Variants in GMDS observed in about 807,000 individuals in gnomAD.
GMDS encodes GDP-mannose 4,6-dehydratase.
In GMDS, 20 loss-of-function variants were observed where a neutral mutation model predicts 49.9. The observed-to-expected ratio is 0.40, with a 90% confidence interval of 0.28 to 0.58. GMDS has a LOEUF of 0.58. Ranked by LOEUF, GMDS falls within the 20% of genes least tolerant of loss-of-function variation. The probability of loss-of-function intolerance (pLI) is 0.42; values close to 1 mark genes in which losing one functional copy is unlikely to be tolerated. For synonymous variants in GMDS, 177 were observed against 178.6 expected, an observed-to-expected ratio of 0.99 and a Z score of 0.07; for missense variants, 362 against 481.4, an observed-to-expected ratio of 0.75 and a Z score of 2.32.
intron 1 of GMDS, among the ~76,000 whole-genome samples, chr6:2,212,732 A>C (rs926478239): frequency 6.7e-6 from 1 of 150,150 alleles, no homozygotes. Context: ...AAAAAAAACT[A>C]AATTAGAAAC....
intron 4 of GMDS, among the ~76,000 whole-genome samples, chr6:2,013,030 T>TAG: frequency 6.6e-6 from 1 of 152,144 alleles, no homozygotes; most frequent in Non-Finnish European, 1.5e-5. Flanking sequence ...TCCTGTCTCC[T>TAG]TTGAAAGAGA....
chr6:1,728,612 A>G (rs1309111582), intron 8 of GMDS, among the ~76,000 whole-genome samples: 1 of 152,230 alleles, frequency 6.6e-6, no homozygotes, highest in Non-Finnish European at 1.5e-5. Context: ...AATCACACAC[A>G]AACACACACA....
intron 4 of GMDS, among the ~76,000 whole-genome samples, chr6:2,104,898 C>T (rs552517555): frequency 6.6e-6 from 1 of 152,172 alleles, no homozygotes; most frequent in African/African-American, 2.4e-5. Context: ...GATCACTAAA[C>T]CTAACCGGGT....
chr6:1,664,139 C>T lies in GMDS; in HGVS notation c.988-39599G>A, dbSNP rs111464818. 2.6e-5 allele frequency among the ~76,000 whole-genome samples: 4 copies of T among 152,322 alleles called. 1 individual carries two copies. The highest frequency in any genetic ancestry group is 9.6e-5 in the African/African-American group (4 of 41,568). On this transcript the variant is annotated intron_variant, in intron 9 of 10. Coordinates refer to ENST00000380815, the MANE Select transcript of GMDS (RefSeq NM_001500.4). ...AAAGAAGTAACCTAGTCAAATTTTA[C>T]TTTGGTGTTTCTTAAATGTTACCCA...
intron 4 of GMDS, among the ~76,000 whole-genome samples, chr6:2,016,767 G>A (rs1366878165): frequency 1.3e-5 from 2 of 151,916 alleles, no homozygotes; most frequent in East Asian, 1.9e-4. Flanking sequence ...CAATAAAAAC[G>A]ACTTCTAGAA....
intron 7 of GMDS, among the ~76,000 whole-genome samples, chr6:1,889,301 G>C (rs192221742): frequency 6.6e-6 from 1 of 152,034 alleles, no homozygotes; most frequent in Non-Finnish European, 1.5e-5. Flanking sequence ...CTTTGTGACT[G>C]CCCATTCTGT....
chr6:1,646,756 T>C (rs1417280609), intron 9 of GMDS, among the ~76,000 whole-genome samples: 1 of 152,172 alleles, frequency 6.6e-6, no homozygotes, highest in East Asian at 1.9e-4. Flanking sequence ...ATATCCTGCA[T>C]TCAGGAAAAG....
chr6:1,798,699 C>G (rs769179632), intron 7 of GMDS, among the ~76,000 whole-genome samples: 2 of 152,204 alleles, frequency 1.3e-5, no homozygotes, highest in Non-Finnish European at 2.9e-5. Flanking sequence ...CGAATGTCCC[C>G]TAAATGTCAA....
In GMDS at chr6:2,102,071, C is replaced by G. The variant is rs576017474; in HGVS notation, c.345+13700G>C. On this transcript the variant is annotated intron_variant, in intron 4 of 10. Coordinates refer to ENST00000380815, the MANE Select transcript of GMDS (RefSeq NM_001500.4). ...TTACTTAAGCTATTATTATACTACA[C>G]TGGAAATTTTTCAAATATCTAAGAT... Among the ~76,000 whole-genome samples the G allele has an allele frequency of 3.0e-4, 46 of 152,130 alleles. 1 individual carries two copies. In the South Asian group the frequency reaches 9.5e-3, roughly 32 times the overall value.
intron 1 of GMDS, among the ~76,000 whole-genome samples, chr6:2,129,936 A>C (rs544031562): frequency 6.6e-6 from 1 of 152,338 alleles, no homozygotes; most frequent in South Asian, 2.1e-4. Flanking sequence ...AATTAATCCA[A>C]CCCTCTCATT....
intron 9 of GMDS, among the ~76,000 whole-genome samples, chr6:1,667,826 T>C (rs79094708): frequency 0.19 from 28,533 of 151,494 alleles, 3,117 homozygotes; most frequent in East Asian, 0.51. Flanking sequence ...TGAAAAAAAA[T>C]GTGCCCCACT....
intron 7 of GMDS, among the ~76,000 whole-genome samples, chr6:1,843,139 A>AAAATG (rs1378507180): frequency 6.6e-6 from 1 of 151,620 alleles, no homozygotes; most frequent in African/African-American, 2.4e-5. Flanking sequence ...AAAATAAAAT[A>AAAATG]AAATAAAATA....
chr6:2,104,097 C>A (rs758448323), intron 4 of GMDS, among the ~76,000 whole-genome samples: 12 of 152,234 alleles, frequency 7.9e-5, no homozygotes, highest in Non-Finnish European at 1.6e-4. Flanking sequence ...CCGCAGGCAG[C>A]AGGCTATTGC....
intron 4 of GMDS, among the ~76,000 whole-genome samples, chr6:2,097,802 G>C (rs1773694324): frequency 6.6e-6 from 1 of 152,214 alleles, no homozygotes; most frequent in East Asian, 1.9e-4. Context: ...CTCGTAGCAA[G>C]GCAATTACCA....
intron 7 of GMDS, among the ~76,000 whole-genome samples, chr6:1,860,345 G>C (rs1400781894): frequency 6.6e-6 from 1 of 152,110 alleles, no homozygotes; most frequent in East Asian, 1.9e-4. Flanking sequence ...ATGCACATGT[G>C]AAGTAAAAGA....
intron 4 of GMDS, among the ~76,000 whole-genome samples, chr6:2,031,273 G>A (rs190650498): frequency 3.3e-4 from 50 of 152,286 alleles, no homozygotes; most frequent in African/African-American, 1.2e-3. Context: ...GAGTGCCACT[G>A]GGCTTGGTGC....
chr6:2,072,758 C>T (rs1375049104), intron 4 of GMDS, among the ~76,000 whole-genome samples: 1 of 152,196 alleles, frequency 6.6e-6, no homozygotes, highest in Admixed American at 6.5e-5. Flanking sequence ...AATGAGGTAT[C>T]TATAAGCTGC....
intron 4 of GMDS, among the ~76,000 whole-genome samples, chr6:2,014,470 G>GAA (rs1160267353): frequency 6.6e-6 from 1 of 151,976 alleles, no homozygotes; most frequent in Admixed American, 6.6e-5. Flanking sequence ...TAAAGTACAT[G>GAA]AACTATCTGT....
chr6:2,142,428 G>GAA (rs1562093654), intron 1 of GMDS, among the ~76,000 whole-genome samples: 1 of 152,008 alleles, frequency 6.6e-6, no homozygotes, highest in Admixed American at 6.6e-5. Context: ...TAAAAAAAAA[G>GAA]AAAGAAAAGA....
Sources: gnomAD v4.1 joint callset for allele counts (sites outside exome capture counted in the v4.1 genomes callset) on GRCh38, gnomAD v4.1.1 for gene constraint, MANE v1.5 for transcripts, NCBI Gene and HGNC (gene_info 2026-07-23, HGNC 2026-07-21) for gene names.